Variants in TULP4 observed in about 807,000 individuals in gnomAD.
TULP4 encodes the protein TUB like protein 4, also known as tubby-related protein 4.
TULP4 carries 16 observed loss-of-function variants against 129.0 expected under a neutral mutation model. The ratio of observed to expected loss-of-function variants is 0.12; its 90% confidence interval spans 0.08 to 0.19. The LOEUF is 0.19. Among genes scored for constraint, TULP4 ranks in the 10% least tolerant of loss-of-function variants. The pLI is 1.00. For synonymous variants in TULP4, 998 were observed against 854.0 expected, an observed-to-expected ratio of 1.17 and a Z score of -2.94; for missense variants, 1,842 against 2,059.1, an observed-to-expected ratio of 0.89 and a Z score of 2.04.
chr6:158,280,387 A>G (rs1385860239), upstream of TULP4, among the ~76,000 whole-genome samples: 4 of 151,870 alleles, frequency 2.6e-5, no homozygotes, highest in African/African-American at 4.8e-5. Flanking sequence ...TCTTTTCTTC[A>G]TTTTTCTTTA....
At chr6:158,440,196 T>C (rs1293723969) in intron 3 of TULP4, among the ~76,000 whole-genome samples, 3 of 151,154 alleles carry the variant, frequency 2.0e-5, no homozygotes, top group Admixed American at 1.3e-4. Context: ...GGCACACATA[T>C]AGTCTCAGCT....
intron 3 of TULP4, among the ~76,000 whole-genome samples, chr6:158,431,103 C>T (rs1442879461): frequency 6.6e-6 from 1 of 152,028 alleles, no homozygotes; most frequent in African/African-American, 2.4e-5. Flanking sequence ...CCAATTATCC[C>T]CTAGTATTTG....
chr6:158,341,816 C>G (rs1780186447), intron 1 of TULP4, among the ~76,000 whole-genome samples: 1 of 152,092 alleles, frequency 6.6e-6, no homozygotes, highest in African/African-American at 2.4e-5. Context: ...TTATTAATCC[C>G]TTGTCAGATG....
intron 3 of TULP4, among the ~76,000 whole-genome samples, chr6:158,433,452 C>T (rs577270634): frequency 2.2e-4 from 34 of 152,324 alleles, no homozygotes; most frequent in African/African-American, 7.5e-4. Flanking sequence ...CAGTGGCTCA[C>T]GCCTGTAATC....
chr6:158,350,850 T>G (rs1780501012), intron 1 of TULP4, among the ~76,000 whole-genome samples: 2 of 151,498 alleles, frequency 1.3e-5, no homozygotes. Flanking sequence ...AGCCTCCGCC[T>G]CCCGGTTTCC....
At chr6:158,292,842 T>G (rs927462805) in intron 1 of TULP4, among the ~76,000 whole-genome samples, 1 of 152,240 alleles carries the variant, frequency 6.6e-6, no homozygotes, top group African/African-American at 2.4e-5. Flanking sequence ...ATTTTAAGTC[T>G]TTTTGAATTA....
intron 1 of TULP4, among the ~76,000 whole-genome samples, chr6:158,410,434 CAG>C (rs754672868): frequency 4.5e-4 from 69 of 152,226 alleles, no homozygotes; most frequent in Admixed American, 1.2e-3. Flanking sequence ...TATTATTTTA[CAG>C]AGAGAGTCAT....
At chr6:158,429,535 T>A (rs1271152073) in intron 2 of TULP4, among the ~76,000 whole-genome samples, 1 of 152,206 alleles carries the variant, frequency 6.6e-6, no homozygotes, top group Admixed American at 6.5e-5. Flanking sequence ...TCACTTTGGC[T>A]TCCCAGCATT....
intron 1 of TULP4, among the ~76,000 whole-genome samples, chr6:158,337,647 C>T (rs1344296496): frequency 2.0e-5 from 3 of 152,144 alleles, no homozygotes; most frequent in Non-Finnish European, 2.9e-5. Context: ...GCACCAAAGC[C>T]AAGTCCCTGC....
At chr6:158,258,119 G>A (rs1299326274) in intron 1 of TULP4, among the ~76,000 whole-genome samples, 1 of 152,184 alleles carries the variant, frequency 6.6e-6, no homozygotes, top group South Asian at 2.1e-4. Flanking sequence ...GGGATTCTTG[G>A]TTACTGGTGA....
At chr6:158,328,061 G>A (rs1365399031) in intron 1 of TULP4, among the ~76,000 whole-genome samples, 1 of 146,502 alleles carries the variant, frequency 6.8e-6, no homozygotes, top group Non-Finnish European at 1.5e-5. Flanking sequence ...TACTCCTGTT[G>A]CCAGCATTCT....
chr6:158,245,749 A>G (rs1463995243), intron 1 of TULP4, among the ~76,000 whole-genome samples: 1 of 152,192 alleles, frequency 6.6e-6, no homozygotes, highest in Non-Finnish European at 1.5e-5. Context: ...ATAGCAACCA[A>G]TCTGGGAAGG....
chr6:158,244,552 C>T (rs1013817524), intron 1 of TULP4, among the ~76,000 whole-genome samples: 1 of 152,124 alleles, frequency 6.6e-6, no homozygotes, highest in African/African-American at 2.4e-5. Flanking sequence ...GAAGAAGAGA[C>T]ACCAGGAGGC....
At chr6:158,276,752 C>A (rs1241395758) in intron 1 of TULP4, among the ~76,000 whole-genome samples, 2 of 151,992 alleles carry the variant, frequency 1.3e-5, no homozygotes, top group African/African-American at 2.4e-5. Context: ...TCTCTGCAGA[C>A]CTACCAAGGT....
chr6:158,445,359 G>A (rs895077090), intron 3 of TULP4, among the ~76,000 whole-genome samples: 2 of 152,096 alleles, frequency 1.3e-5, no homozygotes, highest in Non-Finnish European at 2.9e-5. Flanking sequence ...AAGTGTTTTT[G>A]GGGGGTAGTT....
At chr6:158,483,520 G>T (rs1779995364) in intron 8 of TULP4, among the ~76,000 whole-genome samples, 1 of 152,124 alleles carries the variant, frequency 6.6e-6, no homozygotes, top group South Asian at 2.1e-4. Flanking sequence ...GTAGAGACAG[G>T]GTTTTACCAT....
rs1306060031 is a variant in TULP4, at chr6:158,313,928, A to G, written c.-89A>G. The G allele has an allele frequency of 2.7e-6, 4 of 1,495,504 alleles. No individual in the cohort carries two copies. Among genetic ancestry groups the G allele is most frequent in the African/African-American group, 2.8e-5 (2 of 71,576 alleles). 92.6% of individuals were successfully genotyped at this position (1,495,504 alleles called of 1,614,324 possible). On this transcript the variant is annotated 5_prime_UTR_variant, in exon 1 of 14. Transcript: ENST00000367097. The stretch of plus-strand genomic sequence containing the variant: ...GGGAAAAAAGCAACGCAAGCCAACC[A>G]CAAAAACACATATACCAATGAAAGA...
intron 1 of TULP4, among the ~76,000 whole-genome samples, chr6:158,350,483 G>A (rs541962353): frequency 1.3e-5 from 2 of 152,328 alleles, no homozygotes; most frequent in African/African-American, 4.8e-5. Flanking sequence ...CCAGCACCTC[G>A]GGAGGCCGAG....
At chr6:158,386,954 C>A (rs1461683593) in intron 1 of TULP4, among the ~76,000 whole-genome samples, 1 of 151,744 alleles carries the variant, frequency 6.6e-6, no homozygotes, top group Non-Finnish European at 1.5e-5. Context: ...TTATTTCTGT[C>A]AAAGCGATTG....
Sources: gnomAD v4.1 joint callset for allele counts (sites outside exome capture counted in the v4.1 genomes callset) on GRCh38, gnomAD v4.1.1 for gene constraint, MANE v1.5 for transcripts, NCBI Gene and HGNC (gene_info 2026-07-23, HGNC 2026-07-21) for gene names.